DMXL1: variants seen among roughly 807,000 people sequenced by gnomAD.
The protein encoded by DMXL1 is Dmx like 1.
In DMXL1, 99 loss-of-function variants were observed where a neutral mutation model predicts 319.2. That is an observed-to-expected ratio of 0.31 (90% CI 0.26 to 0.37). The LOEUF is 0.37. Ranked by LOEUF, DMXL1 falls within the 10% of genes least tolerant of loss-of-function variation. DMXL1 has a pLI of 1.00. For missense variants in DMXL1, 3,745 were observed against 3,595.6 expected (o/e 1.04, Z -1.06); for synonymous variants, 1,385 against 1,235.2 (o/e 1.12, Z -2.54).
chr5:119,247,170 T>G lies in DMXL1; in HGVS notation c.9098T>G (p.Phe3033Cys). ...AAAATGAGAATACTGCCAGATCAGT[T>G]TAGCCCTTTAAATGAAGTGTTGAAA... ...TMKMRILPDQ[F>C]SPLNEVLKND... The change falls in exon 44 of 44, where the codon TTT (phenylalanine) becomes TGT (cysteine). Residue 3033 changes from phenylalanine (F) to cysteine (C), a missense_variant. Phe to Cys is a radical substitution (Grantham distance 205). Transcript: ENST00000539542. The G allele has an allele frequency of 1.9e-6, 3 of 1,613,916 alleles. No homozygotes were observed. Among genetic ancestry groups the G allele is most frequent in the South Asian group, 1.1e-5 (1 of 91,062 alleles).
rs561912516 is a variant in DMXL1, at chr5:119,171,199, C to T, written c.6408C>T (p.Tyr2136=). The T allele has an allele frequency of 6.8e-6, 11 of 1,613,804 alleles. No individual in the cohort carries two copies. The highest frequency in any genetic ancestry group is 6.7e-5 in the African/African-American group (5 of 75,028). The part of the protein sequence containing the change: ...YQSLLRMFLS[Y]CILHGSHGGG... ...CACTTTTGAGAATGTTTCTTAGTTACTGCATACTTCATGGATCCCATGGTG... is the reference window on the plus strand; with the variant it reads ...CACTTTTGAGAATGTTTCTTAGTTATTGCATACTTCATGGATCCCATGGTG... Residue 2136 remains tyrosine (Y), a synonymous_variant, in exon 24 of 44, where the codon TAC becomes TAT. Coordinates refer to ENST00000539542, the MANE Select transcript of DMXL1 (RefSeq NM_001290321.3).
At chr5:119,169,563 T>C (rs765588750) in intron 23 of DMXL1, among the ~76,000 whole-genome samples, 1 of 152,122 alleles carries the variant, frequency 6.6e-6, no homozygotes, top group Non-Finnish European at 1.5e-5. Flanking sequence ...TTAATCAGTA[T>C]AGATATAGGT....
At chr5:119,107,937 A>G (rs933326251) in intron 4 of DMXL1, among the ~76,000 whole-genome samples, 1 of 152,208 alleles carries the variant, frequency 6.6e-6, no homozygotes, top group African/African-American at 2.4e-5. Context: ...AATTTTATAG[A>G]TGAGAAAATT....
chr5:119,129,263 G>A lies in DMXL1; in HGVS notation c.1155G>A (p.Glu385=). The change falls in exon 10 of 44, where the codon GAG becomes GAA. Residue 385 remains glutamate (E), a synonymous_variant. Coordinates refer to ENST00000539542, the MANE Select transcript of DMXL1 (RefSeq NM_001290321.3). ...ITSLSLNENE[E]KTGPFVVHWL... ...CTCTGAGTCTAAATGAAAATGAAGA[G>A]AAGACCGGACCTTTTGTTGTACACT... The A allele has an allele frequency of 3.7e-6, 6 of 1,613,494 alleles. No homozygotes were observed. The highest frequency in any genetic ancestry group is 5.1e-6 in the Non-Finnish European group (6 of 1,179,682).
rs79156118 is a variant in DMXL1 at position 119,085,070 on chromosome 5, T to G, written c.88-12909T>G. On this transcript the variant is annotated intron_variant, in intron 1 of 43. Coordinates refer to ENST00000539542, the MANE Select transcript of DMXL1 (RefSeq NM_001290321.3). ...CCAGCTGGTCACAGGGGCTCACTCC[T>G]GTAATCTCATCACTTTGGGAGGCTG... Among the ~76,000 whole-genome samples, 258 of 152,150 alleles carry G rather than the reference T, an allele frequency of 1.7e-3. 1 individual carries two copies. Among genetic ancestry groups the G allele is most frequent in the African/African-American group, 5.6e-3 (233 of 41,478 alleles).
At chr5:119,136,822 T>C (rs910338854) in intron 13 of DMXL1, among the ~76,000 whole-genome samples, 4 of 152,180 alleles carry the variant, frequency 2.6e-5, no homozygotes. Flanking sequence ...AGAGGATGTA[T>C]GGAAACACCT....
At chr5:119,143,649 C>G (rs531484016) in intron 13 of DMXL1, among the ~76,000 whole-genome samples, 192 bp from the exon 14 acceptor site, 2 of 151,858 alleles carry the variant, frequency 1.3e-5, no homozygotes. Context: ...ACCAACTGAG[C>G]TGTAATGCTT....
At chr5:119,135,181 G>A (rs541322379) in intron 13 of DMXL1, among the ~76,000 whole-genome samples, 2 of 152,184 alleles carry the variant, frequency 1.3e-5, no homozygotes, top group Non-Finnish European at 1.5e-5. Flanking sequence ...TATTTTGGGG[G>A]GGGTCTTCTA....
intron 34 of DMXL1, among the ~76,000 whole-genome samples, chr5:119,214,323 C>T (rs138621007): frequency 1.3e-5 from 2 of 152,320 alleles, no homozygotes; most frequent in East Asian, 1.9e-4. Context: ...ATCACTATCA[C>T]CATTCCTACT....
At chr5:119,153,114 C>A (rs148454139) in intron 19 of DMXL1, among the ~76,000 whole-genome samples, 2 of 151,962 alleles carry the variant, frequency 1.3e-5, no homozygotes, top group Admixed American at 1.3e-4. Flanking sequence ...ATACCTGGGA[C>A]TACAGGCGCA....
intron 1 of DMXL1, among the ~76,000 whole-genome samples, chr5:119,077,674 A>ATG (rs369098761): frequency 0.041 from 4,900 of 118,782 alleles, 322 homozygotes; most frequent in African/African-American, 0.15. Flanking sequence ...GTGTATATAT[A>ATG]TGTGTGTGTG....
chr5:119,072,539 A>T (rs1248606990), intron 1 of DMXL1, among the ~76,000 whole-genome samples: 1 of 152,006 alleles, frequency 6.6e-6, no homozygotes, highest in Non-Finnish European at 1.5e-5. Flanking sequence ...TTTTTTCTTT[A>T]AAAAAAATAA....
In DMXL1 at chr5:119,098,067, A is replaced by G; in HGVS notation, c.176A>G (p.Gln59Arg). The G allele has an allele frequency of 6.2e-7, 1 of 1,608,070 alleles. No homozygotes were observed. Among genetic ancestry groups the G allele is most frequent in the Non-Finnish European group, 8.5e-7 (1 of 1,178,544 alleles). Residue 59 changes from glutamine (Q) to arginine (R), a missense_variant, in exon 2 of 44, where the codon CAA becomes CGA. By Grantham distance (43) the Gln-to-Arg change is conservative (BLOSUM62 1). Around this residue, in one of 4 missense-constraint regions of DMXL1, gnomAD observed 2,096 missense variants for 1,985.4 expected, o/e 1.06. Coordinates refer to ENST00000539542, the MANE Select transcript of DMXL1 (RefSeq NM_001290321.3). ...IIPGAKHGNI[Q>R]VGCVDCSMQQ... ...CCAGGAGCTAAACATGGAAATATTC[A>G]AGTGGGATGTGTAGACTGTTCAATG...
Position 119,149,242 on chromosome 5 carries a change from T to G in DMXL1, c.3415T>G (p.Leu1139Val). 6.2e-7 allele frequency: 1 copy of G among 1,613,926 alleles called. No homozygotes were observed. Among genetic ancestry groups the G allele is most frequent in the African/African-American group, 1.3e-5 (1 of 75,016 alleles). ...GAATATCACATCAAACACAAAGCAT[T>G]TAGTTCACTTAGATTGGATGTCTAG... is the stretch of plus-strand genomic sequence containing the variant. ...KENITSNTKH[L>V]VHLDWMSRED... Residue 1139 changes from leucine (L) to valine (V), a missense_variant, in exon 18 of 44, where the codon TTA becomes GTA. This residue lies in a region of DMXL1 where 2,096 missense variants were observed against 1,985.4 expected (regional missense o/e 1.06). Transcript: ENST00000539542.
At chr5:119,232,997 G>A (rs1787063363) in intron 38 of DMXL1, among the ~76,000 whole-genome samples, 1 of 151,318 alleles carries the variant, frequency 6.6e-6, no homozygotes, top group African/African-American at 2.4e-5. Flanking sequence ...AATAAGGATT[G>A]ATTCTAACCT....
Position 119,134,008 on chromosome 5 carries a change from T to A in DMXL1, c.2084T>A (p.Phe695Tyr), listed in dbSNP as rs1765475066. 3 of 1,614,198 alleles carry A rather than the reference T, an allele frequency of 1.9e-6. No individual in the cohort carries two copies. Among genetic ancestry groups the A allele is most frequent in the Non-Finnish European group, 2.5e-6 (3 of 1,180,036 alleles). ...AATAAAAGCACTGTTGACGTGGCAT[T>A]TCAGGATCCCAGTGCAGTTTACAGT... ...QQNKSTVDVA[F>Y]QDPSAVYSEL... The change falls in exon 12 of 44, where the codon TTT (phenylalanine) becomes TAT (tyrosine). Residue 695 changes from phenylalanine (F) to tyrosine (Y), a missense_variant. By Grantham distance (22) the Phe-to-Tyr change is conservative. This residue lies in a region of DMXL1 where 2,096 missense variants were observed against 1,985.4 expected (regional missense o/e 1.06). Transcript: ENST00000539542.
chr5:119,210,521 A>T (rs1444571475), intron 34 of DMXL1, among the ~76,000 whole-genome samples: 1 of 152,132 alleles, frequency 6.6e-6, no homozygotes, highest in Non-Finnish European at 1.5e-5. Context: ...TTGTTACAGC[A>T]TTATTTCTTG....
intron 28 of DMXL1, among the ~76,000 whole-genome samples, chr5:119,187,859 C>T (rs546369788): frequency 2.6e-5 from 4 of 152,266 alleles, no homozygotes; most frequent in East Asian, 3.9e-4. Flanking sequence ...GGCAGGGTTT[C>T]ACCATGTTGG....
intron 13 of DMXL1, among the ~76,000 whole-genome samples, chr5:119,137,799 C>T (rs966628893): frequency 1.1e-4 from 16 of 152,130 alleles, no homozygotes; most frequent in African/African-American, 3.9e-4. Context: ...GTTAAAATTA[C>T]CCAGTCTCAG....
Sources: gnomAD v4.1 joint callset for allele counts (sites outside exome capture counted in the v4.1 genomes callset) on GRCh38, gnomAD v4.1.1 for gene constraint, gnomAD v4.1.1 regional missense constraint, MANE v1.5 for transcripts, NCBI Gene and HGNC (gene_info 2026-07-23, HGNC 2026-07-21) for gene names.